Variants in DAB1 observed in about 807,000 individuals in gnomAD.
DAB1 encodes DAB adaptor protein 1.
A neutral mutation model predicts 64.6 loss-of-function variants in DAB1; 15 were observed. The ratio of observed to expected loss-of-function variants is 0.23; its 90% CI spans 0.16 to 0.36. The LOEUF (loss-of-function observed/expected upper bound fraction) is 0.36, where lower values mean the gene tolerates loss of function less well. DAB1 is among the 10% of genes least tolerant of loss of function. The pLI is 1.00. For missense variants in DAB1, 596 were observed against 706.7 expected (o/e 0.84, Z 1.78); for synonymous variants, 235 against 251.9 (o/e 0.93, Z 0.64).
At chr1:58,486,701 ATG>A (rs1243063460) in intron 3 of DAB1, among the ~76,000 whole-genome samples, 1 of 152,236 alleles carries the variant, frequency 6.6e-6, no homozygotes, top group Non-Finnish European at 1.5e-5. Flanking sequence ...TGGACGGACA[ATG>A]AGTACATGGA....
At chr1:58,367,275 A>G (rs921043235) in intron 3 of DAB1, among the ~76,000 whole-genome samples, 3 of 152,236 alleles carry the variant, frequency 2.0e-5, no homozygotes, top group Admixed American at 2.0e-4. Context: ...CTTTTGCACA[A>G]TAGCACTACT....
At chr1:57,378,767 T>C (rs1681115488) in intron 1 of DAB1, among the ~76,000 whole-genome samples, 1 of 152,134 alleles carries the variant, frequency 6.6e-6, no homozygotes, top group South Asian at 2.1e-4. Context: ...ATGTACAAAA[T>C]TTGGCAGTGC....
intron 5 of DAB1, among the ~76,000 whole-genome samples, chr1:57,993,307 A>C (rs997719518): frequency 1.5e-4 from 23 of 152,230 alleles, no homozygotes; most frequent in East Asian, 1.2e-3. Flanking sequence ...TAAAATAATA[A>C]TACTACTGCT....
At chr1:57,262,636 GA>G (rs1165230907) in intron 2 of DAB1, among the ~76,000 whole-genome samples, 3 of 152,208 alleles carry the variant, frequency 2.0e-5, no homozygotes, top group Non-Finnish European at 2.9e-5. Flanking sequence ...AAATTCATTT[GA>G]ATTTGTAAGA....
intron 2 of DAB1, among the ~76,000 whole-genome samples, chr1:58,514,537 T>G (rs1646130153): frequency 6.6e-6 from 1 of 152,174 alleles, no homozygotes; most frequent in African/African-American, 2.4e-5. Flanking sequence ...ATCCTGACAC[T>G]GAATGAATCT....
At chr1:57,245,807 T>A (rs966104992) in intron 2 of DAB1, among the ~76,000 whole-genome samples, 1 of 152,236 alleles carries the variant, frequency 6.6e-6, no homozygotes, top group South Asian at 2.1e-4. Context: ...AGTAATGGGA[T>A]CGCTGGGTCA....
At chr1:57,695,307 A>AGAAG (rs1467317042) in intron 6 of DAB1, among the ~76,000 whole-genome samples, 2 of 99,096 alleles carry the variant, frequency 2.0e-5, no homozygotes, top group Non-Finnish European at 3.9e-5. Context: ...AAGGAAAGAA[A>AGAAG]GAAAGAAAGA....
intron 7 of DAB1, among the ~76,000 whole-genome samples, chr1:57,577,191 C>T (rs1365798362): frequency 6.6e-6 from 1 of 152,134 alleles, no homozygotes; most frequent in Non-Finnish European, 1.5e-5. Flanking sequence ...TTACACGAAT[C>T]AAGGCAAATC....
At chr1:57,168,016 A>G (rs1011232365) in intron 2 of DAB1, among the ~76,000 whole-genome samples, 3 of 152,140 alleles carry the variant, frequency 2.0e-5, no homozygotes, top group African/African-American at 7.2e-5. Context: ...AAATCCCCCT[A>G]GCAGAGATTG....
chr1:57,729,244 G>T (rs888020528), intron 6 of DAB1, among the ~76,000 whole-genome samples: 1 of 152,192 alleles, frequency 6.6e-6, no homozygotes, highest in East Asian at 1.9e-4. Flanking sequence ...TGCAGAATGC[G>T]CCAGATCTGG....
chr1:57,659,039 A>C (rs922611539), intron 6 of DAB1, among the ~76,000 whole-genome samples: 7 of 152,148 alleles, frequency 4.6e-5, no homozygotes, highest in African/African-American at 1.7e-4. Context: ...CTGTCTGTGG[A>C]TCAAATTCCA....
chr1:58,219,025 C>CTCTCTCTCTCTCTCTCTGTGTG (rs376130413), intron 4 of DAB1, among the ~76,000 whole-genome samples: 4 of 129,550 alleles, frequency 3.1e-5, no homozygotes, highest in African/African-American at 9.4e-5. Flanking sequence ...CTCTCTCTCT[C>CTCTCTCTCTCTCTCTCTGTGTG]TGTGTGTGTG....
chr1:58,014,998 T>G (rs1019033539), intron 5 of DAB1, among the ~76,000 whole-genome samples: 1 of 152,208 alleles, frequency 6.6e-6, no homozygotes, highest in African/African-American at 2.4e-5. Flanking sequence ...CTATGGTGAA[T>G]TGGCTGCTTT....
intron 1 of DAB1, among the ~76,000 whole-genome samples, chr1:57,364,717 T>C (rs1023961745): frequency 2.0e-5 from 3 of 151,890 alleles, no homozygotes; most frequent in African/African-American, 7.3e-5. Context: ...TAATAAACTG[T>C]ATCGATATCA....
intron 12 of DAB1, among the ~76,000 whole-genome samples, chr1:57,014,487 G>A (rs746818787): frequency 6.6e-6 from 1 of 152,082 alleles, no homozygotes; most frequent in Non-Finnish European, 1.5e-5. Flanking sequence ...CTATCTATAC[G>A]TAAATAAATG....
chr1:57,272,540 T>C (rs1310156436), intron 2 of DAB1, among the ~76,000 whole-genome samples: 1 of 152,178 alleles, frequency 6.6e-6, no homozygotes, highest in East Asian at 1.9e-4. Flanking sequence ...CTAGTCTAAA[T>C]TGTCTCTCTG....
chr1:57,275,905 G>T (rs371965068), intron 2 of DAB1, among the ~76,000 whole-genome samples: 19 of 152,282 alleles, frequency 1.2e-4, no homozygotes, highest in African/African-American at 4.6e-4. Flanking sequence ...AAGCAGTTCT[G>T]TAACACCACA....
intron 7 of DAB1, among the ~76,000 whole-genome samples, chr1:57,453,637 G>A (rs1282345316): frequency 6.6e-6 from 1 of 152,038 alleles, no homozygotes; most frequent in Non-Finnish European, 1.5e-5. Context: ...AAAAAAATAG[G>A]ATAACAACAG....
In DAB1 at chr1:57,781,951, G is replaced by A. The variant is rs181921822; in HGVS notation, n.551+102048C>T. On this transcript the variant is annotated intron_variant and non_coding_transcript_variant, in intron 6 of 20. Coordinates refer to the DAB1 transcript ENST00000485760. ...GTAGACAATAGATCCAGAAGGGCAA[G>A]CAACTAACTTTCAATATATTTTCAA... 3.9e-5 allele frequency among the ~76,000 whole-genome samples: 6 copies of A among 152,196 alleles called. No individual in the cohort carries two copies. The East Asian group carries it at 1.2e-3, about 29-fold the overall frequency.
Sources: gnomAD v4.1 joint callset for allele counts (sites outside exome capture counted in the v4.1 genomes callset) on GRCh38, gnomAD v4.1.1 for gene constraint, MANE v1.5 for transcripts, NCBI Gene and HGNC (gene_info 2026-07-23, HGNC 2026-07-21) for gene names.